The following NKAIN3 variants were observed in gnomAD, a reference collection of about 807,000 sequenced individuals.
NKAIN3 encodes the protein sodium/potassium-transporting ATPase subunit beta-1-interacting protein 3.
In NKAIN3, 25 loss-of-function variants were observed where a neutral mutation model predicts 30.2. That is an observed-to-expected ratio of 0.83 (90% CI 0.60 to 1.16). NKAIN3 has a LOEUF of 1.16. Ranked by LOEUF, NKAIN3 falls within the 50% of genes most tolerant of loss-of-function variation. The pLI, the probability that NKAIN3 is intolerant of heterozygous loss-of-function variation, is 0.00. For missense variants in NKAIN3, 225 were observed against 254.1 expected, an observed-to-expected ratio of 0.89 and a Z score of 0.78; for synonymous variants, 91 against 89.6, an observed-to-expected ratio of 1.02 and a Z score of -0.09.
In NKAIN3 at chr8:62,656,354, A is replaced by G. The variant is rs889584133; in HGVS notation, c.273+66560A>G. 2.6e-5 allele frequency among the ~76,000 whole-genome samples: 4 copies of G among 152,322 alleles called. No homozygotes were observed. In the South Asian group the frequency reaches 6.2e-4, roughly 24 times the overall value. On this transcript the variant is annotated intron_variant, in intron 3 of 6. Coordinates refer to ENST00000623646, the MANE Select transcript of NKAIN3 (RefSeq NM_001304533.3). ...TTCATACATCAGGAAACATTAGCAA[A>G]TTAAAGAAACAAAGTTTGCTGAGAA... is the stretch of plus-strand genomic sequence containing the variant.
At chr8:62,675,139 A>G (rs1813435002) in intron 3 of NKAIN3, among the ~76,000 whole-genome samples, 1 of 152,156 alleles carries the variant, frequency 6.6e-6, no homozygotes, top group South Asian at 2.1e-4. Flanking sequence ...TGAATATGTA[A>G]CCTACCTATC....
chr8:62,597,948 T>A (rs1380397060), intron 3 of NKAIN3, among the ~76,000 whole-genome samples: 1 of 152,068 alleles, frequency 6.6e-6, no homozygotes, highest in Non-Finnish European at 1.5e-5. Flanking sequence ...GTTAGAGAAT[T>A]CAGGAGGAAA....
At chr8:62,505,307 T>C (rs1807596182) in intron 1 of NKAIN3, among the ~76,000 whole-genome samples, 1 of 152,168 alleles carries the variant, frequency 6.6e-6, no homozygotes, top group African/African-American at 2.4e-5. Flanking sequence ...ACAAGACTGT[T>C]CTGGCTCCTA....
chr8:62,279,560 A>C (rs1206618422), intron 1 of NKAIN3, among the ~76,000 whole-genome samples: 2 of 152,196 alleles, frequency 1.3e-5, no homozygotes, highest in African/African-American at 4.8e-5. Flanking sequence ...ATAAGATGTA[A>C]GGAAGGGATC....
chr8:62,765,084 G>A (rs1023154268), intron 4 of NKAIN3, among the ~76,000 whole-genome samples: 1 of 151,778 alleles, frequency 6.6e-6, no homozygotes, highest in South Asian at 2.1e-4. Flanking sequence ...CTGTACTAAA[G>A]ATACCAAACA....
At chr8:62,702,905 G>A (rs546959655) in intron 3 of NKAIN3, among the ~76,000 whole-genome samples, 3 of 152,256 alleles carry the variant, frequency 2.0e-5, no homozygotes, top group African/African-American at 4.8e-5. Context: ...ACATGTCAAT[G>A]TAAATGTCAA....
In NKAIN3 at chr8:62,587,490, A is replaced by G. The variant is rs188168121; in HGVS notation, c.193-2224A>G. ...TTGAGGTAAACTGGTAATTTGGGGA[A>G]TTGGTCATTTGACAAATTGCTTAAT... On this transcript the variant is annotated intron_variant, in intron 2 of 6. Transcript: ENST00000623646. 3.3e-3 allele frequency among the ~76,000 whole-genome samples: 496 copies of G among 152,098 alleles called. 2 individuals are homozygous for G. Among genetic ancestry groups the G allele is most frequent in the African/African-American group, 0.01 (431 of 41,554 alleles).
At position 62,634,392 on chromosome 8, in the gene NKAIN3, C is replaced by G. The variant is rs1038303585; in HGVS notation, c.273+44598C>G. ...ACATTTCTTTCCAGCTATACAAACT[C>G]TTAATTTTAGTACATTAGGGAGATG... On this transcript the variant is annotated intron_variant, in intron 3 of 6. Coordinates refer to ENST00000623646, the MANE Select transcript of NKAIN3 (RefSeq NM_001304533.3). Among the ~76,000 whole-genome samples the G allele has an allele frequency of 2.6e-5, 4 of 152,128 alleles. No homozygotes were observed. In the East Asian group the frequency reaches 7.7e-4, roughly 29 times the overall value.
chr8:62,327,769 C>A (rs1815193574), intron 1 of NKAIN3, among the ~76,000 whole-genome samples: 2 of 151,994 alleles, frequency 1.3e-5, no homozygotes, highest in Non-Finnish European at 2.9e-5. Flanking sequence ...TCGGCTACTT[C>A]ATGCCCCTGA....
At chr8:62,854,634 C>T (rs78217633) in intron 4 of NKAIN3, among the ~76,000 whole-genome samples, 1,702 of 152,222 alleles carry the variant, frequency 0.011, 16 homozygotes, top group Middle Eastern at 0.041. Flanking sequence ...ACAGATGGAT[C>T]TTGATTCTTT....
intron 4 of NKAIN3, among the ~76,000 whole-genome samples, chr8:62,832,898 C>A (rs1002774486): frequency 6.6e-6 from 1 of 151,870 alleles, no homozygotes; most frequent in Non-Finnish European, 1.5e-5. Flanking sequence ...ACATTCTTCT[C>A]ATCTACACAC....
intron 5 of NKAIN3, among the ~76,000 whole-genome samples, chr8:62,927,346 T>A (rs2130867215): frequency 6.6e-6 from 1 of 152,336 alleles, no homozygotes; most frequent in South Asian, 2.1e-4. Context: ...TCCCCTGGAT[T>A]TCCAGAAAAT....
intron 1 of NKAIN3, among the ~76,000 whole-genome samples, chr8:62,505,929 T>A (rs1398025688): frequency 2.6e-5 from 4 of 152,154 alleles, no homozygotes; most frequent in Non-Finnish European, 5.9e-5. Context: ...AAAGGCAGAA[T>A]CTGTTTCCCT....
At chr8:62,717,436 G>A (rs533755284) in intron 3 of NKAIN3, among the ~76,000 whole-genome samples, 2 of 151,792 alleles carry the variant, frequency 1.3e-5, no homozygotes, top group Non-Finnish European at 2.9e-5. Context: ...TGTAACACAG[G>A]AGACTTTGAA....
In NKAIN3 at chr8:62,454,301, C is replaced by CAAAAAAAAAA. The variant is rs201511724; in HGVS notation, c.55-125225_55-125216dup. Among the ~76,000 whole-genome samples, 171 of 56,150 alleles carry CAAAAAAAAAA rather than the reference C, an allele frequency of 3.0e-3. 8 individuals are homozygous for CAAAAAAAAAA. The highest frequency in any genetic ancestry group is 8.5e-3 in the African/African-American group (151 of 17,800). The allele number at this position is 56,150 out of a possible 152,430, so 36.8% of individuals were successfully genotyped here. On this transcript the variant is annotated intron_variant, in intron 1 of 6. Coordinates refer to ENST00000623646, the MANE Select transcript of NKAIN3 (RefSeq NM_001304533.3). Reference sequence around the variant, plus strand: ...ACCAACACTAACAATAGCTGATGTGCAAAAAAAAAAAAAAAAAAAAAATCT... The same window carrying CAAAAAAAAAA: ...ACCAACACTAACAATAGCTGATGTGCAAAAAAAAAAAAAAAAAAAAAAAAAAAAAAAATCT...
chr8:62,252,560 T>G (rs1444729303), intron 1 of NKAIN3, among the ~76,000 whole-genome samples: 1 of 152,102 alleles, frequency 6.6e-6, no homozygotes, highest in Non-Finnish European at 1.5e-5. Flanking sequence ...TTCTCCAGGC[T>G]TCTGCCCTCA....
At chr8:62,990,131 T>C (rs1381262557) in intron 5 of NKAIN3, 1 of 950,414 alleles carries the variant, frequency 1.1e-6, no homozygotes, top group Admixed American at 2.4e-5. Flanking sequence ...AATTTAAATG[T>C]TGATATTTTA....
chr8:62,526,759 C>A (rs1187680562), intron 1 of NKAIN3, among the ~76,000 whole-genome samples: 1 of 152,136 alleles, frequency 6.6e-6, no homozygotes, highest in Non-Finnish European at 1.5e-5. Flanking sequence ...CCTACGGATA[C>A]TTGGTTAGTA....
intron 1 of NKAIN3, among the ~76,000 whole-genome samples, chr8:62,527,157 C>G (rs765772060): frequency 2.6e-5 from 4 of 152,192 alleles, no homozygotes; most frequent in Non-Finnish European, 5.9e-5. Context: ...CAACCAGCCT[C>G]CCATCCTCAG....
Sources: allele counts gnomAD v4.1 joint callset (sites outside exome capture counted in the v4.1 genomes callset), GRCh38; gene constraint gnomAD v4.1.1; transcripts MANE v1.5; gene names NCBI Gene and HGNC (gene_info 2026-07-23, HGNC 2026-07-21).